SLMAP: variants seen among roughly 807,000 people sequenced by gnomAD.
SLMAP encodes sarcolemmal membrane-associated protein.
In SLMAP, 44 loss-of-function variants were observed where a neutral mutation model predicts 128.8. That is an observed-to-expected ratio of 0.34 (90% confidence interval 0.27 to 0.44). The LOEUF (loss-of-function observed/expected upper bound fraction) is 0.44, where lower values mean the gene tolerates loss of function less well. Among genes scored for constraint, SLMAP ranks in the 20% least tolerant of loss-of-function variants. The pLI is 1.00. For missense variants in SLMAP, 787 were observed against 985.3 expected, an observed-to-expected ratio of 0.80 and a Z score of 2.69; for synonymous variants, 327 against 348.8, an observed-to-expected ratio of 0.94 and a Z score of 0.70.
chr3:57,848,939 C>T (rs916682048), intron 5 of SLMAP, among the ~76,000 whole-genome samples: 4 of 151,880 alleles, frequency 2.6e-5, no homozygotes, highest in African/African-American at 7.3e-5. Context: ...GAACTCCCAA[C>T]GTCAGGTGAT....
At chr3:57,772,339 G>A (rs867544491) in intron 2 of SLMAP, among the ~76,000 whole-genome samples, 2 of 152,232 alleles carry the variant, frequency 1.3e-5, no homozygotes. Context: ...CACAGACATT[G>A]TTGATAGCTG....
chr3:57,817,261 A>G (rs1376793781), intron 2 of SLMAP, among the ~76,000 whole-genome samples: 1 of 152,186 alleles, frequency 6.6e-6, no homozygotes, highest in East Asian at 1.9e-4. Context: ...AATCATAGGA[A>G]TTGGTGACAC....
chr3:57,928,015 G>A lies in SLMAP; in HGVS notation c.*726G>A, dbSNP rs1200148749. 1 of 152,268 alleles carries A rather than the reference G, an allele frequency of 6.6e-6. No homozygotes were observed. The highest frequency in any genetic ancestry group is 2.4e-5 in the African/African-American group (1 of 41,340). The allele number at this position is 152,268 out of a possible 1,614,324, so 9.4% of individuals were successfully genotyped here. ...GTGATAATTTGGGGAATATGTGCAC[G>A]CTTGTTCAGCCTTAATGTGACTTGA... On this transcript the variant is annotated 3_prime_UTR_variant, in exon 25 of 25. Coordinates refer to ENST00000671191, the MANE Select transcript of SLMAP (RefSeq NM_001377540.1).
At chr3:57,846,554 AT>A (rs1161889766) in intron 4 of SLMAP, among the ~76,000 whole-genome samples, 3,425 of 135,964 alleles carry the variant, frequency 0.025, 21 homozygotes, top group African/African-American at 0.04. Flanking sequence ...AAAATGGATA[AT>A]TTTTTTTTTT....
At chr3:57,815,556 T>C (rs78067516) in intron 2 of SLMAP, among the ~76,000 whole-genome samples, 5,716 of 152,204 alleles carry the variant, frequency 0.038, 378 homozygotes, top group African/African-American at 0.13. Context: ...ATCATTCTGA[T>C]AATAACCATA....
At position 57,802,900 on chromosome 3, in the gene SLMAP, G is replaced by GTAAT. The variant is rs1168695063; in HGVS notation, c.199-28480_199-28477dup. On this transcript the variant is annotated intron_variant, in intron 2 of 24. Coordinates refer to ENST00000671191, the MANE Select transcript of SLMAP (RefSeq NM_001377540.1). Reference sequence around the variant, plus strand: ...TTGCCTGGAGCCCATTTAATTTTATGTAATTACTTAGCCACAAAAAAAGTT... The same window carrying GTAAT: ...TTGCCTGGAGCCCATTTAATTTTATGTAATTAATTACTTAGCCACAAAAAAAGTT... 2.6e-5 allele frequency among the ~76,000 whole-genome samples: 4 copies of GTAAT among 152,094 alleles called. No individual in the cohort carries two copies. In the East Asian group the frequency reaches 7.7e-4, roughly 29 times the overall value.
chr3:57,791,416 C>G (rs1354288309), intron 2 of SLMAP, among the ~76,000 whole-genome samples: 1 of 151,976 alleles, frequency 6.6e-6, no homozygotes, highest in African/African-American at 2.4e-5. Context: ...AGCCTTTGTA[C>G]TCTTTACTTG....
At chr3:57,896,057 G>T (rs1025499243) in intron 15 of SLMAP, among the ~76,000 whole-genome samples, 14 of 151,090 alleles carry the variant, frequency 9.3e-5, no homozygotes, top group African/African-American at 3.4e-4. Context: ...ACTGATCGTG[G>T]TTTTTTTTTA....
chr3:57,892,426 A>AGAGG (rs2096104249), intron 15 of SLMAP, among the ~76,000 whole-genome samples: 1 of 152,194 alleles, frequency 6.6e-6, no homozygotes, highest in Non-Finnish European at 1.5e-5. Context: ...CTTTGGAGGT[A>AGAGG]GAGGTAGAAA....
intron 3 of SLMAP, among the ~76,000 whole-genome samples, chr3:57,833,872 C>T (rs888541615): frequency 1.8e-4 from 28 of 151,542 alleles, no homozygotes; most frequent in Middle Eastern, 3.2e-3. Context: ...ATGTTAAGCA[C>T]GGGCTCTTGG....
intron 13 of SLMAP, among the ~76,000 whole-genome samples, chr3:57,869,660 A>ATATATATATATATAT (rs1553900183): frequency 8.6e-5 from 7 of 81,344 alleles, no homozygotes; most frequent in African/African-American, 1.4e-4. Flanking sequence ...ATATATATAT[A>ATATATATATATATAT]ATATATATAA....
chr3:57,858,317 A>G (rs1478514386), intron 8 of SLMAP, among the ~76,000 whole-genome samples, 158 bp downstream of exon 8: 1 of 152,244 alleles, frequency 6.6e-6, no homozygotes, highest in Non-Finnish European at 1.5e-5. Flanking sequence ...CATGTAAATA[A>G]AAATAATTAC....
intron 2 of SLMAP, among the ~76,000 whole-genome samples, chr3:57,809,751 G>A (rs1319040258): frequency 6.6e-6 from 1 of 152,058 alleles, no homozygotes; most frequent in African/African-American, 2.4e-5. Context: ...TAAAAGCCTC[G>A]GGCTCAGCCA....
chr3:57,845,114 A>G (rs2094180129), intron 4 of SLMAP, among the ~76,000 whole-genome samples: 1 of 152,176 alleles, frequency 6.6e-6, no homozygotes, highest in Non-Finnish European at 1.5e-5. Flanking sequence ...AATATTTGTT[A>G]TATTCAAGAA....
chr3:57,786,962 G>A (rs922345388), intron 2 of SLMAP, among the ~76,000 whole-genome samples: 7 of 151,842 alleles, frequency 4.6e-5, no homozygotes, highest in African/African-American at 1.5e-4. Flanking sequence ...GATCTCGATC[G>A]CCTGACCTTG....
rs549015051 is a variant in SLMAP at position 57,865,985 on chromosome 3, C to T, written c.1237+693C>T. ...AGCACCAACTATGTGCCAGACCCTG[C>T]GCTAGGTGCTTGGAGTACAGTAGAA... On this transcript the variant is annotated intron_variant, in intron 13 of 24. Coordinates refer to ENST00000671191, the MANE Select transcript of SLMAP (RefSeq NM_001377540.1). 9.8e-5 allele frequency among the ~76,000 whole-genome samples: 15 copies of T among 152,328 alleles called. No individual in the cohort carries two copies. In the South Asian group the frequency reaches 2.9e-3, roughly 29 times the overall value.
chr3:57,767,434 A>C (rs1325367883), intron 2 of SLMAP, among the ~76,000 whole-genome samples: 1 of 152,252 alleles, frequency 6.6e-6, no homozygotes, highest in Non-Finnish European at 1.5e-5. Context: ...ATTTGAGATC[A>C]TGGACTCAAT....
intron 24 of SLMAP, 70 bp downstream of exon 24, chr3:57,926,004 G>C: frequency 9.2e-7 from 1 of 1,088,724 alleles, no homozygotes; most frequent in Non-Finnish European, 1.4e-6. Context: ...TTGTAATATA[G>C]TGCATGGCAA....
At chr3:57,817,256 T>C (rs1260734255) in intron 2 of SLMAP, among the ~76,000 whole-genome samples, 4 of 152,218 alleles carry the variant, frequency 2.6e-5, no homozygotes, top group Non-Finnish European at 4.4e-5. Flanking sequence ...TCAGAAATCA[T>C]AGGAATTGGT....
Sources: allele counts gnomAD v4.1 joint callset (sites outside exome capture counted in the v4.1 genomes callset), GRCh38; gene constraint gnomAD v4.1.1; transcripts MANE v1.5; gene names NCBI Gene and HGNC (gene_info 2026-07-23, HGNC 2026-07-21).